Variants in RBM27 observed in about 807,000 individuals in gnomAD.
The protein encoded by RBM27 is RNA binding motif protein 27.
A neutral mutation model predicts 135.3 loss-of-function variants in RBM27; 22 were observed. The ratio of observed to expected loss-of-function variants is 0.16; its 90% CI spans 0.12 to 0.23. The LOEUF (loss-of-function observed/expected upper bound fraction) is 0.23, where lower values mean the gene tolerates loss of function less well. Among genes scored for constraint, RBM27 ranks in the 10% least tolerant of loss-of-function variants. RBM27 has a pLI of 1.00. For missense variants in RBM27, 1,009 were observed against 1,281.0 expected, an observed-to-expected ratio of 0.79 and a Z score of 3.24; for synonymous variants, 481 against 442.4, an observed-to-expected ratio of 1.09 and a Z score of -1.10.
chr5:146,223,374 A>C (rs778451695), intron 2 of RBM27, 29 bp from the exon 3 acceptor site: 5 of 1,557,090 alleles, frequency 3.2e-6, no homozygotes, highest in Non-Finnish European at 4.3e-6. Context: ...TTGTTTGCGC[A>C]ATATGTAAAT....
intron 16 of RBM27, 39 bp downstream of exon 16, chr5:146,269,320 G>A: frequency 6.6e-7 from 1 of 1,513,120 alleles, no homozygotes; most frequent in Non-Finnish European, 9.0e-7. Context: ...TAGAATTGAT[G>A]TATAGAATTG....
chr5:146,247,371 A>G (rs1392664507), intron 8 of RBM27, among the ~76,000 whole-genome samples: 1 of 152,338 alleles, frequency 6.6e-6, no homozygotes, highest in East Asian at 1.9e-4. Context: ...GTAACAGTTT[A>G]CTATTCCTTG....
intron 19 of RBM27, among the ~76,000 whole-genome samples, chr5:146,282,546 C>T (rs1356423850): frequency 6.6e-6 from 1 of 152,120 alleles, no homozygotes; most frequent in East Asian, 1.9e-4. Context: ...TCATTATTCC[C>T]TAAACAATAC....
intron 2 of RBM27, among the ~76,000 whole-genome samples, chr5:146,220,474 C>CAA (rs55722840): frequency 4.2e-4 from 48 of 115,352 alleles, no homozygotes; most frequent in African/African-American, 1.4e-3. Flanking sequence ...GAGTCCATCT[C>CAA]AAAAAAAAAA....
At position 146,233,412 on chromosome 5, in the gene RBM27, A is replaced by G. The variant is rs1757021143; in HGVS notation, c.851-38A>G. The G allele has an allele frequency of 2.0e-6, 3 of 1,496,864 alleles. No individual in the cohort carries two copies. In the East Asian group the frequency reaches 7.2e-5, roughly 36 times the overall value. 92.7% of individuals were successfully genotyped at this position (1,496,864 alleles called of 1,614,324 possible). On this transcript the variant is annotated intron_variant, in intron 6 of 20. Transcript: ENST00000265271. ...TTGTTGTTTTCTGAACTCTAAGTAGATGATAATAAGATTCTTTTTTTATTC... is the reference window on the plus strand; with the variant it reads ...TTGTTGTTTTCTGAACTCTAAGTAGGTGATAATAAGATTCTTTTTTTATTC...
intron 19 of RBM27, 133 bp from the exon 20 acceptor site, chr5:146,284,489 A>G (rs1469561876): frequency 8.8e-6 from 6 of 680,776 alleles, no homozygotes; most frequent in Middle Eastern, 7.3e-4. Context: ...TTTAGCTCTC[A>G]TTGGAGATTG....
In RBM27 at chr5:146,268,392, G is replaced by A. The variant is rs139851938; in HGVS notation, c.2451+624G>A. ...AGAGTAGCTGGGATTACAGGCATGC[G>A]CCACCACCCCTGGCTAATTTTGTAT... On this transcript the variant is annotated intron_variant, in intron 15 of 20. Transcript: ENST00000265271. 3.7e-3 allele frequency among the ~76,000 whole-genome samples: 562 copies of A among 151,864 alleles called. 2 individuals are homozygous for A. The highest frequency in any genetic ancestry group is 0.013 in the African/African-American group (520 of 41,424).
At chr5:146,263,271 A>G (rs917065361) in intron 13 of RBM27, among the ~76,000 whole-genome samples, 1 of 152,194 alleles carries the variant, frequency 6.6e-6, no homozygotes, top group Non-Finnish European at 1.5e-5. Context: ...GTGCATGTAT[A>G]TTTTGTTGTG....
In RBM27 at chr5:146,288,775, T is replaced by C. The variant is rs1055489070; in HGVS notation, c.*2745T>C. 1 of 152,050 alleles carries C rather than the reference T, an allele frequency of 6.6e-6. No individual in the cohort carries two copies. The highest frequency in any genetic ancestry group is 1.5e-5 in the Non-Finnish European group (1 of 67,924). The allele number at this position is 152,050 out of a possible 1,614,324, so 9.4% of individuals were successfully genotyped here. A position where few individuals can be genotyped will look rare whatever the true frequency, so the allele number is the denominator to read the frequency against. On this transcript the variant is annotated 3_prime_UTR_variant, in exon 21 of 21. Transcript: ENST00000265271. The stretch of plus-strand genomic sequence containing the variant: ...AAAGGTAACCCCAAGTATTGCAAAA[T>C]TTCCCTCAATTTCTTTATGTAACAT...
At chr5:146,216,365 T>C (rs989675793) in intron 1 of RBM27, among the ~76,000 whole-genome samples, 1 of 152,190 alleles carries the variant, frequency 6.6e-6, no homozygotes, top group Non-Finnish European at 1.5e-5. Flanking sequence ...ATTCACTATT[T>C]TGGTTTTTAA....
At chr5:146,265,503 G>A (rs1758575011) in intron 14 of RBM27, among the ~76,000 whole-genome samples, 1 of 152,124 alleles carries the variant, frequency 6.6e-6, no homozygotes, top group South Asian at 2.1e-4. Flanking sequence ...ATTACGTCTT[G>A]TTTTGTAGAT....
chr5:146,209,776 T>C (rs1755857550), intron 1 of RBM27, among the ~76,000 whole-genome samples: 1 of 152,244 alleles, frequency 6.6e-6, no homozygotes, highest in African/African-American at 2.4e-5. Context: ...CTTCAGAGAA[T>C]TAGTGTGTCT....
At chr5:146,251,948 C>G (rs1561549574) in intron 9 of RBM27, 73 bp downstream of exon 9, 1 of 1,466,106 alleles carries the variant, frequency 6.8e-7, no homozygotes, top group Non-Finnish European at 9.4e-7. Context: ...TAAGCGGTGA[C>G]CTGGCATCCT....
At chr5:146,220,204 G>C (rs57831194) in intron 2 of RBM27, among the ~76,000 whole-genome samples, 1 of 152,198 alleles carries the variant, frequency 6.6e-6, no homozygotes, top group East Asian at 1.9e-4. Context: ...TGGGCCAGGC[G>C]CGGTGGCTTA....
intron 11 of RBM27, among the ~76,000 whole-genome samples, chr5:146,260,459 A>C (rs1758346992): frequency 6.6e-6 from 1 of 152,210 alleles, no homozygotes; most frequent in Admixed American, 6.5e-5. Context: ...CCTGGGCTCA[A>C]GCAATCCTCC....
intron 19 of RBM27, among the ~76,000 whole-genome samples, chr5:146,282,452 C>G (rs1202157457): frequency 6.6e-6 from 1 of 152,170 alleles, no homozygotes; most frequent in Non-Finnish European, 1.5e-5. Context: ...TGGGTTTCAC[C>G]TCCATGGATT....
intron 9 of RBM27, among the ~76,000 whole-genome samples, chr5:146,253,838 C>G (rs555136089): frequency 7.2e-5 from 11 of 152,028 alleles, no homozygotes; most frequent in Non-Finnish European, 1.5e-4. Context: ...GCTTATTGGC[C>G]GTTGACTCAA....
chr5:146,250,746 CTGTT>C (rs1433700042), intron 8 of RBM27, among the ~76,000 whole-genome samples: 2 of 114,002 alleles, frequency 1.8e-5, no homozygotes, highest in Non-Finnish European at 3.7e-5. Context: ...CTGTGCTGGT[CTGTT>C]TATCTGTTTT....
intron 7 of RBM27, among the ~76,000 whole-genome samples, chr5:146,236,554 A>C (rs1757168968): frequency 6.6e-6 from 1 of 152,174 alleles, no homozygotes; most frequent in Admixed American, 6.6e-5. Flanking sequence ...GCATATATTA[A>C]ATTCTTTAAT....
Sources: gnomAD v4.1 joint callset for allele counts (sites outside exome capture counted in the v4.1 genomes callset) on GRCh38, gnomAD v4.1.1 for gene constraint, MANE v1.5 for transcripts, NCBI Gene and HGNC (gene_info 2026-07-23, HGNC 2026-07-21) for gene names.